The following SLC25A26 variants were observed in gnomAD, a reference collection of about 807,000 sequenced individuals.
SLC25A26 encodes the protein solute carrier family 25 member 26.
SLC25A26 carries 36 observed loss-of-function variants against 37.8 expected under a neutral mutation model. That is an observed-to-expected ratio of 0.95 (90% CI 0.73 to 1.26). The LOEUF (loss-of-function observed/expected upper bound fraction) is 1.26, where lower values mean the gene tolerates loss of function less well. Among genes scored for constraint, SLC25A26 ranks in the 50% most tolerant of loss-of-function variants. The pLI is 0.00. For synonymous variants in SLC25A26, 129 were observed against 122.5 expected (o/e 1.05, Z -0.35); for missense variants, 390 against 331.1 (o/e 1.18, Z -1.38).
intron 9 of SLC25A26, among the ~76,000 whole-genome samples, chr3:66,374,495 C>G (rs1700525973): frequency 6.6e-6 from 1 of 152,216 alleles, no homozygotes; most frequent in Non-Finnish European, 1.5e-5. Context: ...GGCCTCTATT[C>G]TGTGAGACAC....
At chr3:66,144,481 G>A (rs769623056) in intron 1 of SLC25A26, among the ~76,000 whole-genome samples, 16 of 152,152 alleles carry the variant, frequency 1.1e-4, no homozygotes, top group Admixed American at 3.3e-4. Flanking sequence ...TGCCCACTGG[G>A]TACAATTTAT....
chr3:66,136,309 A>G (rs115170475), intron 1 of SLC25A26, among the ~76,000 whole-genome samples: 5,712 of 152,320 alleles, frequency 0.037, 183 homozygotes, highest in Non-Finnish European at 0.057. Flanking sequence ...TTTTATGTCT[A>G]TATGATAGTC....
At chr3:66,211,244 A>G (rs2071280722) in intron 1 of SLC25A26, among the ~76,000 whole-genome samples, 1 of 152,218 alleles carries the variant, frequency 6.6e-6, no homozygotes, top group Non-Finnish European at 1.5e-5. Flanking sequence ...CATTTAGGAC[A>G]CACAATGGTA....
chr3:66,278,047 C>G (rs919860190), intron 5 of SLC25A26, among the ~76,000 whole-genome samples: 5 of 152,088 alleles, frequency 3.3e-5, no homozygotes, highest in African/African-American at 9.7e-5. Context: ...TTGGGAAAAA[C>G]TGGTAACATT....
intron 5 of SLC25A26, among the ~76,000 whole-genome samples, chr3:66,300,454 C>G (rs1202111226): frequency 6.6e-6 from 1 of 151,988 alleles, no homozygotes; most frequent in Admixed American, 6.5e-5. Context: ...ATTTCTTGTT[C>G]TTTGCATATA....
chr3:66,167,976 A>T (rs931099763), intron 1 of SLC25A26, among the ~76,000 whole-genome samples: 13 of 151,726 alleles, frequency 8.6e-5, no homozygotes, highest in African/African-American at 3.2e-4. Context: ...CAACATGGAG[A>T]AAGCCCGTCT....
At chr3:66,349,827 G>A (rs2076409201) in intron 6 of SLC25A26, among the ~76,000 whole-genome samples, 1 of 152,126 alleles carries the variant, frequency 6.6e-6, no homozygotes, top group African/African-American at 2.4e-5. Flanking sequence ...CACCAACAGT[G>A]TATGAGAGTT....
intron 5 of SLC25A26, among the ~76,000 whole-genome samples, chr3:66,315,334 C>A (rs913169974): frequency 6.6e-6 from 1 of 152,056 alleles, no homozygotes; most frequent in Non-Finnish European, 1.5e-5. Flanking sequence ...TTTGTTCTTA[C>A]TGATTTCAAA....
At chr3:66,219,876 G>A (rs540839512), upstream of SLC25A26, among the ~76,000 whole-genome samples, 18 of 152,206 alleles carry the variant, frequency 1.2e-4, no homozygotes, top group Admixed American at 8.5e-4. Context: ...TATCATTATC[G>A]CCACTTTACA....
At chr3:66,287,006 C>G (rs538641842) in intron 5 of SLC25A26, among the ~76,000 whole-genome samples, 82 of 152,104 alleles carry the variant, frequency 5.4e-4, no homozygotes, top group Admixed American at 9.8e-4. Flanking sequence ...TTAAAAAAGT[C>G]TCAAAGCAGG....
At chr3:66,304,216 G>C (rs1361440132) in intron 5 of SLC25A26, among the ~76,000 whole-genome samples, 1 of 152,160 alleles carries the variant, frequency 6.6e-6, no homozygotes, top group African/African-American at 2.4e-5. Flanking sequence ...TTCGTCACAG[G>C]ACTTGTCTTT....
rs941772379 is a variant in SLC25A26, at chr3:66,211,317, G to A, written c.-353-9425G>A. ...AGGCCTGCTGTTTGTTTGACAGAAG[G>A]TAATAAACAAAAAGACCACAGTGCC... On this transcript the variant is annotated intron_variant, in intron 1 of 10. Transcript: ENST00000676754. Among the ~76,000 whole-genome samples, 840 of 152,270 alleles carry A rather than the reference G, an allele frequency of 5.5e-3. 11 individuals are homozygous for A. The highest frequency in any genetic ancestry group is 0.019 in the African/African-American group (802 of 41,568).
chr3:66,187,108 T>A (rs1219731489), intron 1 of SLC25A26, among the ~76,000 whole-genome samples: 18 of 151,786 alleles, frequency 1.2e-4, no homozygotes, highest in Admixed American at 1.0e-3. Flanking sequence ...ATCTTGACCC[T>A]GACCCTGATC....
chr3:66,173,090 T>C (rs2070524049), intron 1 of SLC25A26, among the ~76,000 whole-genome samples: 1 of 152,200 alleles, frequency 6.6e-6, no homozygotes, highest in African/African-American at 2.4e-5. Flanking sequence ...ACTTCATTAT[T>C]GTTCAGGCGC....
At chr3:66,312,989 C>A (rs1391046150) in intron 5 of SLC25A26, among the ~76,000 whole-genome samples, 1 of 152,082 alleles carries the variant, frequency 6.6e-6, no homozygotes, top group East Asian at 1.9e-4. Context: ...GTTTGTTTTT[C>A]ATGTAAATAT....
At chr3:66,363,714 G>C (rs542562634) in intron 7 of SLC25A26, among the ~76,000 whole-genome samples, 105 of 152,274 alleles carry the variant, frequency 6.9e-4, no homozygotes, top group African/African-American at 2.4e-3. Flanking sequence ...GGGAGGTTTA[G>C]GGTGTTAACT....
chr3:66,185,033 T>G (rs1422647284), intron 1 of SLC25A26, among the ~76,000 whole-genome samples: 1 of 152,214 alleles, frequency 6.6e-6, no homozygotes, highest in Non-Finnish European at 1.5e-5. Context: ...ACTAAGTACA[T>G]TCACGTTGTT....
chr3:66,143,674 A>G (rs577691905), intron 1 of SLC25A26, among the ~76,000 whole-genome samples: 10 of 152,316 alleles, frequency 6.6e-5, no homozygotes, highest in African/African-American at 2.4e-4. Flanking sequence ...GCTTGAGACC[A>G]GGAGTTCGAG....
intron 1 of SLC25A26, among the ~76,000 whole-genome samples, chr3:66,235,003 TCA>T (rs782724283): frequency 1.1e-3 from 161 of 152,308 alleles, no homozygotes; most frequent in Middle Eastern, 3.4e-3. Flanking sequence ...TGACTTTGAC[TCA>T]CATCTTTAAA....
Sources: allele counts gnomAD v4.1 joint callset (sites outside exome capture counted in the v4.1 genomes callset), GRCh38; gene constraint gnomAD v4.1.1; transcripts MANE v1.5; gene names NCBI Gene and HGNC (gene_info 2026-07-23, HGNC 2026-07-21).